The following SLC4A3 variants were observed in gnomAD, a reference collection of about 807,000 sequenced individuals.
SLC4A3 encodes the protein anion exchange protein 3.
SLC4A3 carries 47 observed loss-of-function variants against 114.2 expected under a neutral mutation model. The ratio of observed to expected loss-of-function variants is 0.41; its 90% CI spans 0.33 to 0.52. The LOEUF (loss-of-function observed/expected upper bound fraction) is 0.52, where lower values mean the gene tolerates loss of function less well. SLC4A3 is among the 20% of genes least tolerant of loss of function. The pLI, the probability that SLC4A3 is intolerant of heterozygous loss-of-function variation, is 0.21. For synonymous variants in SLC4A3, 693 were observed against 710.3 expected, an observed-to-expected ratio of 0.98 and a Z score of 0.39; for missense variants, 1,312 against 1,668.3, an observed-to-expected ratio of 0.79 and a Z score of 3.72.
In SLC4A3 at chr2:219,638,596, C is replaced by T; in HGVS notation, c.2857-107C>T. The T allele has an allele frequency of 8.5e-7, 1 of 1,181,800 alleles. No individual in the cohort carries two copies. Among genetic ancestry groups the T allele is most frequent in the Non-Finnish European group, 1.2e-6 (1 of 827,530 alleles). 73.2% of individuals were successfully genotyped at this position (1,181,800 alleles called of 1,614,324 possible). A position where few individuals can be genotyped will look rare whatever the true frequency, so the allele number is the denominator to read the frequency against. The stretch of plus-strand genomic sequence containing the variant: ...TAATTTTCCCCTGACCTGTTCACAC[C>T]CCAGCTCCCTGAAGTCCTGGACTGG... On this transcript the variant is annotated intron_variant, in intron 18 of 22. Transcript: ENST00000358055. The surrounding 1 kb of genome is among the most constrained non-coding windows in gnomAD (Gnocchi z 7.5).
rs1699159404 is a variant in SLC4A3 at position 219,637,370 on chromosome 2, TTA to T, written c.2536-209_2536-208del. 6.6e-6 allele frequency among the ~76,000 whole-genome samples: 1 copy of T among 151,500 alleles called. No homozygotes were observed. Among genetic ancestry groups the T allele is most frequent in the Non-Finnish European group, 1.5e-5 (1 of 67,832 alleles). On this transcript the variant is annotated intron_variant, in intron 16 of 22. Transcript: ENST00000358055. The surrounding 1 kb of genome is among the most constrained non-coding windows in gnomAD (Gnocchi z 4.6). ...TTGTGTTTTTTTTGTGTTGTATGTG[TTA>T]TGTGTGTGTTGTTACGTGTTGTGTG...
Position 219,628,113 on chromosome 2 carries a change from G to A in SLC4A3, c.51+70G>A. The A allele has an allele frequency of 7.7e-7, 1 of 1,303,138 alleles. No homozygotes were observed. The highest frequency in any genetic ancestry group is 1.0e-6 in the Non-Finnish European group (1 of 970,520). The allele number at this position is 1,303,138 out of a possible 1,614,324, so 80.7% of individuals were successfully genotyped here. A position where few individuals can be genotyped will look rare whatever the true frequency, so the allele number is the denominator to read the frequency against. ...GGGAGGGACCTTAGGGTGGGCAGAGGAGTCCTCTGGCCGACCCCGGGACCC... is the reference window on the plus strand; with the variant it reads ...GGGAGGGACCTTAGGGTGGGCAGAGAAGTCCTCTGGCCGACCCCGGGACCC... On this transcript the variant is annotated intron_variant, in intron 2 of 22. Transcript: ENST00000358055. This position sits in a 1 kb window ranked among gnomAD's most constrained non-coding sequence, Gnocchi z 4.8.
chr2:219,638,950 G>T lies in SLC4A3; in HGVS notation c.3023+81G>T. The T allele has an allele frequency of 6.9e-7, 1 of 1,454,482 alleles. No homozygotes were observed. Among genetic ancestry groups the T allele is most frequent in the Non-Finnish European group, 9.5e-7 (1 of 1,056,962 alleles). 90.1% of individuals were successfully genotyped at this position (1,454,482 alleles called of 1,614,324 possible). On this transcript the variant is annotated intron_variant, in intron 19 of 22. Transcript: ENST00000358055. This position sits in a 1 kb window ranked among gnomAD's most constrained non-coding sequence, Gnocchi z 7.5. ...TGGCTTGGTTTCAGGGTTATAGCAG[G>T]GACATCATTATCAGTATCAGGGTGC...
In SLC4A3 at chr2:219,638,782, G is replaced by C; in HGVS notation, c.2936G>C (p.Arg979Pro). 1 of 1,614,144 alleles carries C rather than the reference G, an allele frequency of 6.2e-7. No homozygotes were observed. Residue 979 changes from arginine (R) to proline (P), a missense_variant, in exon 19 of 23, where the codon CGT becomes CCT. Around this residue, in one of 4 missense-constraint regions of SLC4A3, gnomAD observed 301 missense variants for 460.7 expected, o/e 0.65. Transcript: ENST00000358055. This position sits in a 1 kb window ranked among gnomAD's most constrained non-coding sequence, Gnocchi z 7.5. ...SWFIPPLGSA[R>P]PFPPWMMVAA... The stretch of plus-strand genomic sequence containing the variant: ...TTCATCCCACCCCTGGGCAGTGCCC[G>C]TCCTTTCCCGCCGTGGATGATGGTG...
Position 219,641,969 on chromosome 2 carries a change from G to T in SLC4A3, c.*241G>T. 2.3e-6 allele frequency: 1 copy of T among 435,644 alleles called. No homozygotes were observed. Among genetic ancestry groups the T allele is most frequent in the Non-Finnish European group, 4.1e-6 (1 of 245,684 alleles). The allele number at this position is 435,644 out of a possible 1,614,324, so 27.0% of individuals were successfully genotyped here. ...TCATTATAACCACACTCCTTGTCTC[G>T]TGTCTGCCTCACTTTCTTGGTTTCA... On this transcript the variant is annotated 3_prime_UTR_variant, in exon 23 of 23. Transcript: ENST00000358055. This position sits in a 1 kb window ranked among gnomAD's most constrained non-coding sequence, Gnocchi z 4.0.
rs200005603 is a variant in SLC4A3, at chr2:219,628,020, G to A, written c.28G>A (p.Gly10Arg). MANGVIPPPGGASPLPQVRV... is the reference protein window; with the variant it reads MANGVIPPPRGASPLPQVRV... Reference sequence around the variant, plus strand: ...GGCCAACGGAGTGATCCCGCCGCCCGGGGGCGCCTCCCCCCTACCCCAGGT... The same window carrying A: ...GGCCAACGGAGTGATCCCGCCGCCCAGGGGCGCCTCCCCCCTACCCCAGGT... Residue 10 changes from glycine (G) to arginine (R), a missense_variant, in exon 2 of 23, where the codon GGG becomes AGG. Gly to Arg is a moderately radical substitution (Grantham distance 125, BLOSUM62 -2). Around this residue, in one of 4 missense-constraint regions of SLC4A3, gnomAD observed 236 missense variants for 212.1 expected, o/e 1.11. Coordinates refer to ENST00000358055, the MANE Select transcript of SLC4A3 (RefSeq NM_005070.4). The surrounding 1 kb of genome is among the most constrained non-coding windows in gnomAD (Gnocchi z 4.8). 277 of 1,582,710 alleles carry A rather than the reference G, an allele frequency of 1.8e-4. No individual in the cohort carries two copies. Among genetic ancestry groups the A allele is most frequent in the Non-Finnish European group, 2.1e-4 (244 of 1,167,008 alleles).
Position 219,630,457 on chromosome 2 carries a change from C to A in SLC4A3, c.811+105C>A. The A allele has an allele frequency of 8.3e-7, 1 of 1,211,996 alleles. No homozygotes were observed. The highest frequency in any genetic ancestry group is 1.5e-5 in the African/African-American group (1 of 66,062). 75.1% of individuals were successfully genotyped at this position (1,211,996 alleles called of 1,614,324 possible). A position where few individuals can be genotyped will look rare whatever the true frequency, so the allele number is the denominator to read the frequency against. On this transcript the variant is annotated intron_variant, in intron 6 of 22. Coordinates refer to ENST00000358055, the MANE Select transcript of SLC4A3 (RefSeq NM_005070.4). This position sits in a 1 kb window ranked among gnomAD's most constrained non-coding sequence, Gnocchi z 6.9. ...GCTGTCCCCTGCTAAGGGCTGAGTC[C>A]TCTCTGAATCCCTGTCTGCTGGGAT... is the stretch of plus-strand genomic sequence containing the variant.
intron 3 of SLC4A3, 22 bp from the exon 4 acceptor site, chr2:219,629,122 A>G (rs1345245625): frequency 3.9e-6 from 6 of 1,551,612 alleles, no homozygotes; most frequent in East Asian, 2.3e-5. Context: ...GGGGGCCTCA[A>G]CCGGATCTCC....
At chr2:219,634,777 G>A (rs146474993) in intron 12 of SLC4A3, among the ~76,000 whole-genome samples, 173 bp downstream of exon 12, 1,689 of 152,278 alleles carry the variant, frequency 0.011, 13 homozygotes, top group Middle Eastern at 0.02. Flanking sequence ...AGAGAGCCTT[G>A]GGCTGTGGCT....
In SLC4A3 at chr2:219,635,248, C is replaced by T. The variant is rs1172000714; in HGVS notation, c.1747-23C>T. On this transcript the variant is annotated intron_variant, in intron 12 of 22. Coordinates refer to ENST00000358055, the MANE Select transcript of SLC4A3 (RefSeq NM_005070.4). Reference sequence around the variant, plus strand: ...GGCTCCCTTGGCTGTCCCTGAGGGTCCTGGCCCTCTCATTGCCCCCAGCTG... The same window carrying T: ...GGCTCCCTTGGCTGTCCCTGAGGGTTCTGGCCCTCTCATTGCCCCCAGCTG... 1.9e-6 allele frequency: 3 copies of T among 1,605,842 alleles called. No homozygotes were observed. In the Admixed American group the frequency reaches 5.0e-5, roughly 27 times the overall value.
chr2:219,629,111 TG>T, intron 3 of SLC4A3, 32 bp from the exon 4 acceptor site: 1 of 1,539,800 alleles, frequency 6.5e-7, no homozygotes, highest in South Asian at 1.2e-5. Flanking sequence ...GTTTCTGCTG[TG>T]GGGGCCTCAA....
In SLC4A3 at chr2:219,631,594, C is replaced by T; in HGVS notation, c.812-374C>T. 1.2e-6 allele frequency: 1 copy of T among 825,018 alleles called. No individual in the cohort carries two copies. The highest frequency in any genetic ancestry group is 1.7e-6 in the Non-Finnish European group (1 of 595,158). The allele number at this position is 825,018 out of a possible 1,614,324, so 51.1% of individuals were successfully genotyped here. On this transcript the variant is annotated intron_variant, in intron 6 of 22. Coordinates refer to ENST00000358055, the MANE Select transcript of SLC4A3 (RefSeq NM_005070.4). This position sits in a 1 kb window ranked among gnomAD's most constrained non-coding sequence, Gnocchi z 6.3. ...GGGACGTGGGTGTTGAGATAGGGTG[C>T]ACGGAAAATGTTGGGGGCTCAGTGC... is the stretch of plus-strand genomic sequence containing the variant.
chr2:219,641,767 A>G lies in SLC4A3; in HGVS notation c.*39A>G. 6.5e-7 allele frequency: 1 copy of G among 1,539,292 alleles called. No homozygotes were observed. The highest frequency in any genetic ancestry group is 9.0e-7 in the Non-Finnish European group (1 of 1,112,250). On this transcript the variant is annotated 3_prime_UTR_variant, in exon 23 of 23. Transcript: ENST00000358055. This position sits in a 1 kb window ranked among gnomAD's most constrained non-coding sequence, Gnocchi z 4.0. The stretch of plus-strand genomic sequence containing the variant: ...TGCCCCTCAGAGACCCCAAGACCTT[A>G]GGGATTGACACCTGGGCCTCAGGCA...
In SLC4A3 at chr2:219,635,360, C is replaced by G; in HGVS notation, c.1836C>G (p.Pro612=). 6 of 1,614,180 alleles carry G rather than the reference C, an allele frequency of 3.7e-6. No individual in the cohort carries two copies. The highest frequency in any genetic ancestry group is 5.1e-6 in the Non-Finnish European group (6 of 1,180,018). The change falls in exon 13 of 23, where the codon CCC becomes CCG. Residue 612 remains proline, a synonymous_variant. Coordinates refer to ENST00000358055, the MANE Select transcript of SLC4A3 (RefSeq NM_005070.4). The part of the protein sequence containing the change: ...SEFLDGSIVI[P]PSEVEGRDLL... ...TCCTGGATGGCAGCATTGTGATCCC[C>G]CCGTCCGAGGTGGAGGGCCGTGACC... is the stretch of plus-strand genomic sequence containing the variant.
chr2:219,636,641 G>C lies in SLC4A3; in HGVS notation c.2341-39G>C. On this transcript the variant is annotated intron_variant, in intron 15 of 22. Transcript: ENST00000358055. The surrounding 1 kb of genome is among the most constrained non-coding windows in gnomAD (Gnocchi z 5.5). ...CCAGGGGGCATTGACACCCAGGGCA[G>C]TCCACCTGTGGGTAACGACCGCTCC... The C allele has an allele frequency of 6.3e-7, 1 of 1,575,528 alleles. No homozygotes were observed.
In SLC4A3 at chr2:219,637,249, T is replaced by C. The variant is rs1405657638; in HGVS notation, c.2536-332T>C. 1.3e-5 allele frequency among the ~76,000 whole-genome samples: 2 copies of C among 150,826 alleles called. No homozygotes were observed. The highest frequency in any genetic ancestry group is 6.6e-5 in the Admixed American group (1 of 15,120). On this transcript the variant is annotated intron_variant, in intron 16 of 22. Coordinates refer to ENST00000358055, the MANE Select transcript of SLC4A3 (RefSeq NM_005070.4). The surrounding 1 kb of genome is among the most constrained non-coding windows in gnomAD (Gnocchi z 4.6). ...TGTGAGTATGGTGTGTTGTGTGTGA[T>C]GTATGTGTTGTGTGTGTGTGCGTGT... is the stretch of plus-strand genomic sequence containing the variant.
chr2:219,635,173 C>G lies in SLC4A3; in HGVS notation c.1747-98C>G. On this transcript the variant is annotated intron_variant, in intron 12 of 22. Transcript: ENST00000358055. Reference sequence around the variant, plus strand: ...CCAGTATCTACGACTGAATGTCCACCCTGCCTGTAGCTCAGTGACCCAACA... The same window carrying G: ...CCAGTATCTACGACTGAATGTCCACGCTGCCTGTAGCTCAGTGACCCAACA... 5 of 897,534 alleles carry G rather than the reference C, an allele frequency of 5.6e-6. No homozygotes were observed. The South Asian group carries it at 7.7e-5, about 14-fold the overall frequency. The allele number at this position is 897,534 out of a possible 1,614,324, so 55.6% of individuals were successfully genotyped here. A position where few individuals can be genotyped will look rare whatever the true frequency, so the allele number is the denominator to read the frequency against.
chr2:219,628,034 C>G lies in SLC4A3; in HGVS notation c.42C>G (p.Pro14=), dbSNP rs372157272. 3.4e-5 allele frequency: 53 copies of G among 1,578,502 alleles called. No individual in the cohort carries two copies. The highest frequency in any genetic ancestry group is 2.1e-4 in the Middle Eastern group (1 of 4,824). ...GVIPPPGGAS[P]LPQVRVPLEE... is the part of the protein sequence containing the mutation. Reference sequence around the variant, plus strand: ...TCCCGCCGCCCGGGGGCGCCTCCCCCCTACCCCAGGTGATCGGCGCGCGCG... The same window carrying G: ...TCCCGCCGCCCGGGGGCGCCTCCCCGCTACCCCAGGTGATCGGCGCGCGCG... Residue 14 remains proline, a synonymous_variant, in exon 2 of 23, where the codon CCC becomes CCG. Transcript: ENST00000358055. The surrounding 1 kb of genome is among the most constrained non-coding windows in gnomAD (Gnocchi z 4.8).
Position 219,632,953 on chromosome 2 carries a change from C to A in SLC4A3, c.1221C>A (p.Asp407Glu), listed in dbSNP as rs1292869557. 1 of 1,613,998 alleles carries A rather than the reference C, an allele frequency of 6.2e-7. No homozygotes were observed. Among genetic ancestry groups the A allele is most frequent in the Non-Finnish European group, 8.5e-7 (1 of 1,180,040 alleles). ...HLVVETMIVS[D>E]QIRPEDRASV... ...TGGTGGAGACCATGATTGTGTCTGA[C>A]CAGATCCGGCCGGAGGACAGGGCCA... Residue 407 changes from aspartate to glutamate, a missense_variant, in exon 9 of 23, where the codon GAC becomes GAA. Asp to Glu is a conservative substitution (Grantham distance 45). Around this residue, in one of 4 missense-constraint regions of SLC4A3, gnomAD observed 771 missense variants for 977.7 expected, o/e 0.79. Transcript: ENST00000358055.
Sources: gnomAD v4.1 joint callset for allele counts (sites outside exome capture counted in the v4.1 genomes callset) on GRCh38, gnomAD v4.1.1 for gene constraint, gnomAD v4.1.1 regional missense constraint, Gnocchi (gnomAD v3.1) non-coding constraint, MANE v1.5 for transcripts, NCBI Gene and HGNC (gene_info 2026-07-23, HGNC 2026-07-21) for gene names.